The following CTNNA3 variants were observed in gnomAD, a reference collection of about 807,000 sequenced individuals.
CTNNA3 encodes catenin alpha 3.
Under a neutral mutation model 95.7 loss-of-function variants are expected in CTNNA3, and 76 were observed. The observed-to-expected ratio is 0.79, with a 90% CI of 0.66 to 0.96. The LOEUF is 0.96. Among genes scored for constraint, CTNNA3 ranks in the 40% least tolerant of loss-of-function variants. CTNNA3 has a pLI of 0.00. For synonymous variants in CTNNA3, 431 were observed against 374.4 expected (o/e 1.15, Z -1.74); for missense variants, 1,191 against 1,089.8 (o/e 1.09, Z -1.31).
At position 66,333,919 on chromosome 10, in the gene CTNNA3, G is replaced by A. The variant is rs1426522374; in HGVS notation, c.1732+45233C>T. On this transcript the variant is annotated intron_variant, in intron 12 of 17. Transcript: ENST00000433211. ...TTTATGAATCTGGGTGCTCCTGTATGTGGTGTATATATATTTAGGATAGTT... is the reference window on the plus strand; with the variant it reads ...TTTATGAATCTGGGTGCTCCTGTATATGGTGTATATATATTTAGGATAGTT... Among the ~76,000 whole-genome samples the A allele has an allele frequency of 3.3e-5, 5 of 151,974 alleles. No homozygotes were observed. In the East Asian group the frequency reaches 7.7e-4, roughly 23 times the overall value.
intron 7 of CTNNA3, among the ~76,000 whole-genome samples, chr10:66,957,395 T>G (rs1247554348): frequency 3.0e-5 from 2 of 67,452 alleles, no homozygotes; most frequent in Non-Finnish European, 5.9e-5. Flanking sequence ...TATATATACA[T>G]ATATATATAT....
chr10:66,077,020 G>A (rs1243830393), intron 14 of CTNNA3, among the ~76,000 whole-genome samples: 1 of 151,714 alleles, frequency 6.6e-6, no homozygotes, highest in Non-Finnish European at 1.5e-5. Context: ...TTGGGAGATG[G>A]ACGAAGGAAT....
rs369479403 is a variant in CTNNA3 at position 66,796,918 on chromosome 10, G to A, written c.1048-21394C>T. On this transcript the variant is annotated intron_variant, in intron 7 of 17. Coordinates refer to ENST00000433211, the MANE Select transcript of CTNNA3 (RefSeq NM_013266.4). Reference sequence around the variant, plus strand: ...CAATGCTTTAGCCTAGTACACACATGTTCTGAGCTGTGAAGGTTTTTCATG... The same window carrying A: ...CAATGCTTTAGCCTAGTACACACATATTCTGAGCTGTGAAGGTTTTTCATG... Among the ~76,000 whole-genome samples the A allele has an allele frequency of 3.3e-5, 5 of 151,964 alleles. No homozygotes were observed. The East Asian group carries it at 5.8e-4, about 18-fold the overall frequency.
intron 5 of CTNNA3, among the ~76,000 whole-genome samples, chr10:67,513,076 T>C (rs112154226): frequency 0.017 from 2,519 of 152,286 alleles, 76 homozygotes; most frequent in African/African-American, 0.055. Context: ...CCTAATACAG[T>C]ATATTCGCAT....
chr10:66,866,183 A>G (rs767385550), intron 7 of CTNNA3, among the ~76,000 whole-genome samples: 3 of 152,234 alleles, frequency 2.0e-5, no homozygotes, highest in Non-Finnish European at 4.4e-5. Flanking sequence ...GCTAGTTAAC[A>G]GCAGGACACA....
At chr10:66,300,467 G>A (rs557108625) in intron 12 of CTNNA3, among the ~76,000 whole-genome samples, 1 of 152,072 alleles carries the variant, frequency 6.6e-6, no homozygotes, top group East Asian at 1.9e-4. Context: ...AAAGGGAGTA[G>A]TAGCTTTATA....
intron 7 of CTNNA3, among the ~76,000 whole-genome samples, chr10:66,784,117 A>G (rs969661367): frequency 1.3e-5 from 2 of 152,200 alleles, no homozygotes; most frequent in East Asian, 1.9e-4. Flanking sequence ...TTTTAACACC[A>G]TAAAATAAGA....
intron 13 of CTNNA3, among the ~76,000 whole-genome samples, chr10:66,170,241 C>CTT (rs57644952): frequency 0.033 from 2,449 of 73,328 alleles, 264 homozygotes; most frequent in African/African-American, 0.1. Context: ...TCCTCATTGT[C>CTT]TTTTTTTTTT....
intron 2 of CTNNA3, among the ~76,000 whole-genome samples, chr10:67,639,562 A>C (rs1839449682): frequency 6.6e-6 from 1 of 152,146 alleles, no homozygotes; most frequent in African/African-American, 2.4e-5. Context: ...AACAAAGAGA[A>C]TTTTAGACCA....
At chr10:66,485,661 T>C (rs939622639) in intron 11 of CTNNA3, among the ~76,000 whole-genome samples, 25 of 152,172 alleles carry the variant, frequency 1.6e-4, no homozygotes, top group African/African-American at 5.8e-4. Context: ...AAAATATCCA[T>C]ACTACTCAAA....
chr10:66,119,387 C>G (rs569454920), intron 13 of CTNNA3, among the ~76,000 whole-genome samples: 26 of 152,244 alleles, frequency 1.7e-4, no homozygotes, highest in Non-Finnish European at 2.5e-4. Flanking sequence ...TTGCTAGACA[C>G]CCTACAAGCT....
chr10:66,204,963 G>T (rs947559917), intron 13 of CTNNA3, among the ~76,000 whole-genome samples: 2 of 152,078 alleles, frequency 1.3e-5, no homozygotes, highest in Non-Finnish European at 2.9e-5. Context: ...ATTAAGCTAA[G>T]AATCTATCAA....
At chr10:67,179,648 G>A (rs2132135192) in intron 7 of CTNNA3, among the ~76,000 whole-genome samples, 1 of 152,148 alleles carries the variant, frequency 6.6e-6, no homozygotes, top group East Asian at 1.9e-4. Context: ...GGGCATTATG[G>A]CAAAACCCCA....
intron 5 of CTNNA3, among the ~76,000 whole-genome samples, chr10:67,505,846 G>A (rs1018340740): frequency 6.6e-6 from 1 of 152,062 alleles, no homozygotes; most frequent in Admixed American, 6.5e-5. Flanking sequence ...AGTGCTACCA[G>A]GTGCTATACT....
chr10:66,060,943 G>A (rs571308688), intron 15 of CTNNA3, among the ~76,000 whole-genome samples: 1 of 152,120 alleles, frequency 6.6e-6, no homozygotes, highest in African/African-American at 2.4e-5. Flanking sequence ...TTTGAAAGAT[G>A]TTTTTCTGGG....
chr10:67,727,107 A>G (rs1385598579), intron 1 of CTNNA3, among the ~76,000 whole-genome samples: 3 of 121,644 alleles, frequency 2.5e-5, no homozygotes, highest in African/African-American at 9.7e-5. Context: ...ATAATATATG[A>G]TACATATATG....
intron 10 of CTNNA3, among the ~76,000 whole-genome samples, chr10:66,578,679 C>A (rs557659218): frequency 6.6e-6 from 1 of 151,796 alleles, no homozygotes; most frequent in Non-Finnish European, 1.5e-5. Context: ...ACTTGATCAC[C>A]GTAAATTAAC....
chr10:66,518,815 A>T (rs965281488), intron 11 of CTNNA3, among the ~76,000 whole-genome samples: 1 of 151,862 alleles, frequency 6.6e-6, no homozygotes, highest in Non-Finnish European at 1.5e-5. Context: ...AAGGCCATTA[A>T]TTTTTTTTCC....
At chr10:66,631,951 G>A (rs1478443476) in intron 9 of CTNNA3, among the ~76,000 whole-genome samples, 1 of 128,162 alleles carries the variant, frequency 7.8e-6, no homozygotes, top group East Asian at 2.2e-4. Context: ...AAGTTTTCAT[G>A]ACAAAATTTG....
Sources: allele counts gnomAD v4.1 joint callset (sites outside exome capture counted in the v4.1 genomes callset), GRCh38; gene constraint gnomAD v4.1.1; transcripts MANE v1.5; gene names NCBI Gene and HGNC (gene_info 2026-07-23, HGNC 2026-07-21).